The following GRIP1 variants were observed in gnomAD, a reference collection of about 807,000 sequenced individuals.
GRIP1 encodes the protein glutamate receptor-interacting protein 1.
In GRIP1, 45 loss-of-function variants were observed where a neutral mutation model predicts 129.9. That is an observed-to-expected ratio of 0.35 (90% CI 0.27 to 0.44). GRIP1 has a LOEUF of 0.44. GRIP1 is among the 20% of genes least tolerant of loss of function. GRIP1 has a pLI of 1.00. For synonymous variants in GRIP1, 530 were observed against 520.8 expected, an observed-to-expected ratio of 1.02 and a Z score of -0.24; for missense variants, 1,196 against 1,396.8, an observed-to-expected ratio of 0.86 and a Z score of 2.29.
At chr12:66,725,780 T>A (rs1317069139) in intron 1 of GRIP1, among the ~76,000 whole-genome samples, 1 of 152,216 alleles carries the variant, frequency 6.6e-6, no homozygotes, top group Non-Finnish European at 1.5e-5. Flanking sequence ...CAATACTTAC[T>A]CTTACCATGT....
chr12:67,033,332 C>T (rs2135785522), intron 1 of GRIP1, among the ~76,000 whole-genome samples: 1 of 150,676 alleles, frequency 6.6e-6, no homozygotes, highest in East Asian at 1.9e-4. Context: ...AATTCTACTC[C>T]ACTTGCTCTG....
intron 23 of GRIP1, among the ~76,000 whole-genome samples, chr12:66,366,064 C>G (rs542076815): frequency 6.6e-6 from 1 of 152,254 alleles, no homozygotes; most frequent in Admixed American, 6.5e-5. Context: ...GCAGATCTAG[C>G]AAAGGGTGGT....
chr12:66,643,663 C>T (rs1183089329), intron 1 of GRIP1, among the ~76,000 whole-genome samples: 1 of 152,166 alleles, frequency 6.6e-6, no homozygotes, highest in Non-Finnish European at 1.5e-5. Flanking sequence ...TTCCCTGGCT[C>T]AAGCGATCCT....
chr12:66,815,784 CA>C lies in GRIP1; in HGVS notation c.59-218858del, dbSNP rs535272561. The stretch of plus-strand genomic sequence containing the variant: ...GACTCAAACCAAACAAACAAACAAA[CA>C]AAAAAAATGGGGAGTGGCTTAAACA... On this transcript the variant is annotated intron_variant, in intron 1 of 1. Coordinates refer to the GRIP1 transcript ENST00000643019. 2.4e-4 allele frequency among the ~76,000 whole-genome samples: 35 copies of C among 148,452 alleles called. No individual in the cohort carries two copies. In the South Asian group the frequency reaches 7.2e-3, roughly 31 times the overall value.
intron 1 of GRIP1, among the ~76,000 whole-genome samples, chr12:66,849,922 G>A (rs765110508): frequency 2.0e-5 from 3 of 152,074 alleles, no homozygotes; most frequent in Admixed American, 6.6e-5. Context: ...TGGCTCTGTC[G>A]GTCTGCAGCT....
At chr12:67,066,888 T>TTATTTATATATATATATATATATATA (rs1555170035) in intron 1 of GRIP1, among the ~76,000 whole-genome samples, 2 of 125,662 alleles carry the variant, frequency 1.6e-5, no homozygotes, top group African/African-American at 5.8e-5. Context: ...AAATATATAT[T>TTATTTATATATATATATATATATATA]TATATATATA....
intron 1 of GRIP1, among the ~76,000 whole-genome samples, chr12:66,853,095 T>TG (rs769973093): frequency 3.8e-4 from 57 of 151,910 alleles, no homozygotes; most frequent in Non-Finnish European, 6.3e-4. Flanking sequence ...GTTATGAGCT[T>TG]GGAGTGCATG....
At chr12:66,800,095 A>G (rs970065871) in intron 1 of GRIP1, among the ~76,000 whole-genome samples, 3 of 152,224 alleles carry the variant, frequency 2.0e-5, no homozygotes, top group Non-Finnish European at 2.9e-5. Flanking sequence ...TTACTGCTGA[A>G]TATCTATTAG....
At chr12:66,797,631 A>T (rs2038738863) in intron 1 of GRIP1, among the ~76,000 whole-genome samples, 2 of 152,294 alleles carry the variant, frequency 1.3e-5, no homozygotes, top group African/African-American at 4.8e-5. Context: ...ATAACTAAAG[A>T]ATCATATTTT....
chr12:67,063,453 A>C (rs2043569000), intron 1 of GRIP1, among the ~76,000 whole-genome samples: 1 of 152,226 alleles, frequency 6.6e-6, no homozygotes, highest in South Asian at 2.1e-4. Flanking sequence ...TGAATAAGAA[A>C]ATTTGAATAA....
At chr12:66,579,150 G>C (rs1238022086) in intron 2 of GRIP1, among the ~76,000 whole-genome samples, 1 of 152,150 alleles carries the variant, frequency 6.6e-6, no homozygotes, top group African/African-American at 2.4e-5. Context: ...AGGCAAACAG[G>C]GTCTGGAGTG....
chr12:66,534,206 T>C (rs1262367141), intron 4 of GRIP1, among the ~76,000 whole-genome samples: 1 of 152,224 alleles, frequency 6.6e-6, no homozygotes, highest in East Asian at 1.9e-4. Context: ...ATTCACACTT[T>C]TGTGTTTAAA....
At chr12:66,524,069 CA>C (rs1825882802) in intron 5 of GRIP1, among the ~76,000 whole-genome samples, 1 of 152,168 alleles carries the variant, frequency 6.6e-6, no homozygotes, top group African/African-American at 2.4e-5. Context: ...GACTCCCACA[CA>C]ATAATAATGG....
At chr12:66,819,207 T>G (rs1317825807) in intron 1 of GRIP1, among the ~76,000 whole-genome samples, 2 of 152,326 alleles carry the variant, frequency 1.3e-5, no homozygotes, top group South Asian at 4.1e-4. Flanking sequence ...ACCTTTTACT[T>G]TTGTTGATTT....
intron 23 of GRIP1, among the ~76,000 whole-genome samples, chr12:66,370,540 A>G (rs1428659947): frequency 6.6e-6 from 1 of 152,182 alleles, no homozygotes; most frequent in African/African-American, 2.4e-5. Context: ...TAGCTAGCCT[A>G]TTGCCTCCTC....
chr12:66,372,304 T>A, intron 22 of GRIP1: 1 of 322,846 alleles, frequency 3.1e-6, no homozygotes, highest in South Asian at 2.9e-5. Flanking sequence ...CTTGAATATA[T>A]CTTACAGAAA....
chr12:66,804,266 G>GA (rs2136927575), upstream of GRIP1: 1 of 374,826 alleles, frequency 2.7e-6, no homozygotes, highest in Non-Finnish European at 5.5e-6. Context: ...GGTGGAGCAT[G>GA]AATGACCAAT....
intron 1 of GRIP1, among the ~76,000 whole-genome samples, chr12:66,648,281 G>A (rs1233220402): frequency 6.6e-6 from 1 of 152,186 alleles, no homozygotes; most frequent in Non-Finnish European, 1.5e-5. Context: ...TCCCGGAAGG[G>A]CCGTGGTATG....
chr12:66,541,074 C>G (rs2061765875), intron 3 of GRIP1, among the ~76,000 whole-genome samples: 1 of 152,138 alleles, frequency 6.6e-6, no homozygotes, highest in Non-Finnish European at 1.5e-5. Flanking sequence ...CTTGGCCTCC[C>G]AATGTGCTGG....
Sources: allele counts gnomAD v4.1 joint callset (sites outside exome capture counted in the v4.1 genomes callset), GRCh38; gene constraint gnomAD v4.1.1; transcripts MANE v1.5; gene names NCBI Gene and HGNC (gene_info 2026-07-23, HGNC 2026-07-21).